CNOT10: variants seen among roughly 807,000 people sequenced by gnomAD.
CNOT10 encodes CCR4-NOT transcription complex subunit 10, also known as CCR4-NOT transcription complex, subunit 10.
Under a neutral mutation model 94.6 loss-of-function variants are expected in CNOT10, and 30 were observed. The observed-to-expected ratio is 0.32, with a 90% CI of 0.24 to 0.43. CNOT10 has a LOEUF of 0.43. Among genes scored for constraint, CNOT10 ranks in the 20% least tolerant of loss-of-function variants. The pLI is 1.00. For synonymous variants in CNOT10, 289 were observed against 301.6 expected (o/e 0.96, Z 0.43); for missense variants, 759 against 877.2 (o/e 0.87, Z 1.70).
intron 1 of CNOT10, among the ~76,000 whole-genome samples, chr3:32,685,894 T>C (rs1342882004): frequency 1.3e-5 from 2 of 152,166 alleles, no homozygotes; most frequent in Non-Finnish European, 2.9e-5. Context: ...CACATGTGGC[T>C]TCCTCTGGTC....
chr3:32,706,231 A>T (rs559014897), intron 3 of CNOT10, among the ~76,000 whole-genome samples: 52 of 152,320 alleles, frequency 3.4e-4, no homozygotes, highest in Admixed American at 5.2e-4. Context: ...AAGAAAGATG[A>T]TGCTTACTGA....
chr3:32,708,992 T>C (rs1394757035), intron 4 of CNOT10, among the ~76,000 whole-genome samples, 172 bp downstream of exon 4: 1 of 152,210 alleles, frequency 6.6e-6, no homozygotes, highest in Non-Finnish European at 1.5e-5. Context: ...CAGGTTTTCT[T>C]TGAGTGTCCC....
rs138844261 is a variant in CNOT10, at chr3:32,767,636, A to G, written c.2005-2251A>G. The stretch of plus-strand genomic sequence containing the variant: ...CATGTGAAAAATAACTACAAATTCT[A>G]TTTAGTCAACTTAGTGGCATCTGGT... On this transcript the variant is annotated intron_variant, in intron 17 of 18. Transcript: ENST00000328834. 1.8e-3 allele frequency among the ~76,000 whole-genome samples: 268 copies of G among 151,828 alleles called. 1 individual carries two copies. Among genetic ancestry groups the G allele is most frequent in the African/African-American group, 6.3e-3 (261 of 41,400 alleles).
At chr3:32,745,998 A>G (rs1264987900) in intron 13 of CNOT10, among the ~76,000 whole-genome samples, 1 of 152,224 alleles carries the variant, frequency 6.6e-6, no homozygotes, top group Non-Finnish European at 1.5e-5. Flanking sequence ...TCTCAAACCA[A>G]AACCAATTAC....
intron 13 of CNOT10, among the ~76,000 whole-genome samples, chr3:32,740,311 T>G (rs1044957413): frequency 6.6e-6 from 1 of 151,844 alleles, no homozygotes; most frequent in Non-Finnish European, 1.5e-5. Context: ...ATACAAAAAT[T>G]AGCTGAGTGT....
rs764702440 is a variant in CNOT10 at position 32,695,968 on chromosome 3, AGTGTGTGTGTGT to A, written c.23-7863_23-7852del. On this transcript the variant is annotated intron_variant, in intron 1 of 18. Transcript: ENST00000328834. ...AAATAAAAATAATCCTGTTGAAGAG[AGTGTGTGTGTGT>A]GTGTGTGTGTGTGTGTGTGTGTGTG... The A allele has an allele frequency of 1.5e-3, 648 of 433,100 alleles. 1 individual carries two copies. Among genetic ancestry groups the A allele is most frequent in the African/African-American group, 6.0e-3 (248 of 41,260 alleles). The allele number at this position is 433,100 out of a possible 1,614,324, so 26.8% of individuals were successfully genotyped here. A position where few individuals can be genotyped will look rare whatever the true frequency, so the allele number is the denominator to read the frequency against.
At chr3:32,718,734 T>G (rs1482923548) in intron 7 of CNOT10, among the ~76,000 whole-genome samples, 1 of 152,148 alleles carries the variant, frequency 6.6e-6, no homozygotes, top group Non-Finnish European at 1.5e-5. Flanking sequence ...AAAGCCCTTG[T>G]TTCTTTAGTG....
At chr3:32,696,026 G>C (rs2125498443) in intron 1 of CNOT10, among the ~76,000 whole-genome samples, 1 of 142,042 alleles carries the variant, frequency 7.0e-6, no homozygotes, top group African/African-American at 2.8e-5. Flanking sequence ...TATTTGAAAT[G>C]GGGTCTTGGC....
Position 32,737,425 on chromosome 3 carries a change from T to G in CNOT10, c.1530T>G (p.Asp510Glu). 1 of 1,608,694 alleles carries G rather than the reference T, an allele frequency of 6.2e-7. No individual in the cohort carries two copies. Among genetic ancestry groups the G allele is most frequent in the South Asian group, 1.1e-5 (1 of 90,804 alleles). ...SSETCSSKSH[D>E]GDKFIPAPPS... The stretch of plus-strand genomic sequence containing the variant: ...TCTATTTTAGCAGTAAAAGCCATGA[T>G]GGAGATAAATTCATTCCAGCTCCAC... The change falls in exon 13 of 19, where the codon GAT becomes GAG. Residue 510 changes from aspartate (D) to glutamate (E), a missense_variant. This residue lies in a region of CNOT10 where 682 missense variants were observed against 799.4 expected (regional missense o/e 0.85). Coordinates refer to ENST00000328834, the MANE Select transcript of CNOT10 (RefSeq NM_015442.3).
At chr3:32,734,646 C>A (rs1478184642) in intron 11 of CNOT10, among the ~76,000 whole-genome samples, 154 bp from the exon 12 acceptor site, 2 of 152,124 alleles carry the variant, frequency 1.3e-5, no homozygotes, top group Non-Finnish European at 2.9e-5. Context: ...GATTTGGGTT[C>A]TTTAGCATGC....
At chr3:32,755,757 C>CTTTTTTTTTTT (rs66705516) in intron 13 of CNOT10, among the ~76,000 whole-genome samples, 1 of 141,244 alleles carries the variant, frequency 7.1e-6, no homozygotes, top group Non-Finnish European at 1.5e-5. Context: ...TTTTCCTTTC[C>CTTTTTTTTTTT]TTTTTTTTTT....
At chr3:32,687,258 T>TC (rs1696639964) in intron 1 of CNOT10, among the ~76,000 whole-genome samples, 1 of 151,948 alleles carries the variant, frequency 6.6e-6, no homozygotes, top group Admixed American at 6.6e-5. Flanking sequence ...TCTTGTCTCT[T>TC]CCTATCCCAT....
intron 17 of CNOT10, among the ~76,000 whole-genome samples, chr3:32,768,226 T>C (rs138650575): frequency 5.9e-5 from 9 of 152,188 alleles, no homozygotes; most frequent in African/African-American, 2.2e-4. Flanking sequence ...ACTGTGGTCA[T>C]TGAAAAAAAC....
intron 13 of CNOT10, among the ~76,000 whole-genome samples, chr3:32,741,898 T>C (rs1347767950): frequency 6.6e-6 from 1 of 152,048 alleles, no homozygotes; most frequent in Non-Finnish European, 1.5e-5. Flanking sequence ...TATTTTCTTT[T>C]TTAAAAAAAT....
At position 32,720,099 on chromosome 3, in the gene CNOT10, A is replaced by G; in HGVS notation, c.745-15A>G. The G allele has an allele frequency of 2.2e-6, 3 of 1,333,796 alleles. No individual in the cohort carries two copies. Among genetic ancestry groups the G allele is most frequent in the Non-Finnish European group, 3.1e-6 (3 of 962,876 alleles). The allele number at this position is 1,333,796 out of a possible 1,614,324, so 82.6% of individuals were successfully genotyped here. ...TGAAAACAAATTATAAGTAACTTTT[A>G]TATTTTCTCTACAGTCCGCACCCTC... is the stretch of plus-strand genomic sequence containing the variant. On this transcript the variant is annotated splice_polypyrimidine_tract_variant and intron_variant, in intron 7 of 18. Transcript: ENST00000328834.
At position 32,738,905 on chromosome 3, in the gene CNOT10, T is replaced by C. The variant is rs186078323; in HGVS notation, c.1595+1415T>C. Among the ~76,000 whole-genome samples the C allele has an allele frequency of 4.5e-3, 676 of 151,730 alleles. 5 individuals carry two copies. The highest frequency in any genetic ancestry group is 0.037 in the Middle Eastern group (11 of 294). On this transcript the variant is annotated intron_variant, in intron 13 of 18. Transcript: ENST00000328834. The stretch of plus-strand genomic sequence containing the variant: ...AATCTGCAGTTATACCTCTATTTTC[T>C]TTCTTTTTTTTTTTTTTGAGTTGGA...
At chr3:32,771,399 G>A (rs1394250304) in intron 18 of CNOT10, among the ~76,000 whole-genome samples, 4 of 152,042 alleles carry the variant, frequency 2.6e-5, no homozygotes, top group African/African-American at 4.8e-5. Flanking sequence ...TCAGGAGTTC[G>A]AAACCAGCCT....
chr3:32,748,542 T>TCTGTGGCC (rs1699810945), intron 13 of CNOT10, among the ~76,000 whole-genome samples: 1 of 152,128 alleles, frequency 6.6e-6, no homozygotes, highest in African/African-American at 2.4e-5. Flanking sequence ...AGATGGAGTC[T>TCTGTGGCC]CACTCTGTGG....
chr3:32,769,809 T>C (rs1323134411), intron 17 of CNOT10, 78 bp from the exon 18 acceptor site: 1 of 1,108,928 alleles, frequency 9.0e-7, no homozygotes, highest in African/African-American at 1.5e-5. Flanking sequence ...TTTGTTACCT[T>C]GTTGGTTGGC....
Sources: allele counts gnomAD v4.1 joint callset (sites outside exome capture counted in the v4.1 genomes callset), GRCh38; gene constraint gnomAD v4.1.1; regional missense constraint gnomAD v4.1.1; transcripts MANE v1.5; gene names NCBI Gene and HGNC (gene_info 2026-07-23, HGNC 2026-07-21).